Variants in SUGCT observed in about 807,000 individuals in gnomAD.
The protein encoded by SUGCT is succinyl-CoA:glutarate CoA-transferase.
SUGCT carries 41 observed loss-of-function variants against 55.0 expected under a neutral mutation model. The ratio of observed to expected loss-of-function variants is 0.74; its 90% CI spans 0.58 to 0.97. The LOEUF (loss-of-function observed/expected upper bound fraction) is 0.97. Among genes scored for constraint, SUGCT ranks in the 50% least tolerant of loss-of-function variants. The pLI is 0.00. For synonymous variants in SUGCT, 187 were observed against 200.4 expected (o/e 0.93, Z 0.56); for missense variants, 568 against 547.8 (o/e 1.04, Z -0.37).
At chr7:40,814,577 T>C (rs1791581695) in intron 13 of SUGCT, among the ~76,000 whole-genome samples, 1 of 151,936 alleles carries the variant, frequency 6.6e-6, no homozygotes, top group Non-Finnish European at 1.5e-5. Flanking sequence ...TAAAGATGTT[T>C]ACCTCTTCCT....
At chr7:40,226,088 A>G (rs1788332043) in intron 6 of SUGCT, among the ~76,000 whole-genome samples, 1 of 152,170 alleles carries the variant, frequency 6.6e-6, no homozygotes, top group Non-Finnish European at 1.5e-5. Flanking sequence ...TAGATTGGCT[A>G]GCAGGTATAT....
intron 9 of SUGCT, among the ~76,000 whole-genome samples, chr7:40,321,032 A>G (rs374265239): frequency 6.7e-6 from 1 of 150,100 alleles, no homozygotes; most frequent in Admixed American, 6.6e-5. Context: ...AACATGCAGC[A>G]TTTGACTTGC....
chr7:40,325,280 T>C (rs1182004387), intron 9 of SUGCT, among the ~76,000 whole-genome samples: 1 of 152,124 alleles, frequency 6.6e-6, no homozygotes, highest in Admixed American at 6.6e-5. Flanking sequence ...CTGTCTCTTC[T>C]TGTGTGACTT....
chr7:40,495,037 A>T (rs1791893816), intron 11 of SUGCT, among the ~76,000 whole-genome samples: 2 of 151,904 alleles, frequency 1.3e-5, no homozygotes, highest in South Asian at 4.2e-4. Flanking sequence ...CAGCCTTCTA[A>T]GTAGCTGGGA....
chr7:40,364,494 T>C (rs1218191486), intron 9 of SUGCT, among the ~76,000 whole-genome samples: 3 of 152,322 alleles, frequency 2.0e-5, no homozygotes, highest in Non-Finnish European at 4.4e-5. Context: ...TCAGGAGCTC[T>C]TGTAGGGCAG....
intron 7 of SUGCT, among the ~76,000 whole-genome samples, chr7:40,270,772 T>C (rs1207903036): frequency 6.6e-6 from 1 of 152,188 alleles, no homozygotes; most frequent in Non-Finnish European, 1.5e-5. Context: ...GCCTTGAATA[T>C]GCAGAGGAGT....
rs1562564263 is a variant in SUGCT at position 40,189,530 on chromosome 7, T to TA, written c.313-14_313-13insA. The TA allele has an allele frequency of 5.8e-5, 57 of 979,516 alleles. No homozygotes were observed. The highest frequency in any genetic ancestry group is 1.4e-4 in the African/African-American group (8 of 57,954). The allele number at this position is 979,516 out of a possible 1,614,324, so 60.7% of individuals were successfully genotyped here. On this transcript the variant is annotated splice_polypyrimidine_tract_variant and intron_variant, in intron 4 of 13. Coordinates refer to ENST00000335693, the MANE Select transcript of SUGCT (RefSeq NM_001193313.2). ...ATCGAAATAATATATATATATATATTTTTTAATTTTTAGAGTATTGCTGTT... is the reference window on the plus strand; with the variant it reads ...ATCGAAATAATATATATATATATATTATTTTAATTTTTAGAGTATTGCTGTT...
rs539836443 is a variant in SUGCT, at chr7:40,273,902, T to A, written c.577-611T>A. On this transcript the variant is annotated intron_variant, in intron 7 of 13. Transcript: ENST00000335693. ...CCTGTGCCCAGTGCTCCATGTCCCA[T>A]AAATCTTGAGATTCTCAGTTTGTTT... Among the ~76,000 whole-genome samples, 71 of 152,260 alleles carry A rather than the reference T, an allele frequency of 4.7e-4. 2 individuals are homozygous for A. Among genetic ancestry groups the A allele is most frequent in the African/African-American group, 1.6e-3 (68 of 41,554 alleles).
chr7:40,577,103 G>C (rs1796807719), intron 12 of SUGCT, among the ~76,000 whole-genome samples: 1 of 152,306 alleles, frequency 6.6e-6, no homozygotes, highest in South Asian at 2.1e-4. Flanking sequence ...AAGACCACCA[G>C]GGTTTGAGAA....
chr7:40,410,616 G>C (rs1786619455), intron 9 of SUGCT, among the ~76,000 whole-genome samples: 1 of 152,078 alleles, frequency 6.6e-6, no homozygotes, highest in East Asian at 1.9e-4. Flanking sequence ...ATATTCATGA[G>C]TTTTTTTGTC....
intron 12 of SUGCT, among the ~76,000 whole-genome samples, chr7:40,726,431 G>T (rs540004841): frequency 4.3e-4 from 65 of 152,114 alleles, no homozygotes; most frequent in African/African-American, 1.5e-3. Context: ...ATAGGCTGAG[G>T]GGGGAGCAGA....
At chr7:40,544,166 A>G (rs567841641) in intron 12 of SUGCT, among the ~76,000 whole-genome samples, 175 of 148,474 alleles carry the variant, frequency 1.2e-3, no homozygotes, top group Non-Finnish European at 2.1e-3. Flanking sequence ...GTTTCTGTAC[A>G]CACCCGGTGT....
the SUGCT span, among the ~76,000 whole-genome samples, chr7:40,920,331 G>T: frequency 1.1e-4 from 16 of 152,138 alleles, no homozygotes; most frequent in Non-Finnish European, 1.3e-4. Flanking sequence ...AGGAAAGTAT[G>T]CCCTGTGCAG....
chr7:40,470,608 G>A (rs1562800071), intron 11 of SUGCT, among the ~76,000 whole-genome samples: 1 of 152,094 alleles, frequency 6.6e-6, no homozygotes. Context: ...ACAGCTCATT[G>A]ATGAGGCTCA....
At chr7:40,274,750 C>T (rs1792349982) in intron 8 of SUGCT, 94 bp downstream of exon 8, 1 of 1,195,658 alleles carries the variant, frequency 8.4e-7, no homozygotes. Flanking sequence ...TGTACAAAAA[C>T]AATACAAAAA....
At chr7:40,505,003 G>A (rs1369201942) in intron 12 of SUGCT, among the ~76,000 whole-genome samples, 1 of 152,084 alleles carries the variant, frequency 6.6e-6, no homozygotes, top group Non-Finnish European at 1.5e-5. Context: ...TTATGTCCTA[G>A]CATATAATCC....
At chr7:40,971,243 G>T in the SUGCT span, among the ~76,000 whole-genome samples, 1 of 152,050 alleles carries the variant, frequency 6.6e-6, no homozygotes, top group Admixed American at 6.5e-5. Flanking sequence ...ACACAACCAG[G>T]TCTCATGTGA....
chr7:40,579,373 G>A (rs1178223202), intron 12 of SUGCT, among the ~76,000 whole-genome samples: 2 of 152,092 alleles, frequency 1.3e-5, no homozygotes, highest in Non-Finnish European at 2.9e-5. Context: ...AATTTCTTCT[G>A]TTTTCACTGG....
intron 11 of SUGCT, among the ~76,000 whole-genome samples, chr7:40,479,116 C>T (rs1016298043): frequency 1.3e-5 from 2 of 151,850 alleles, no homozygotes; most frequent in African/African-American, 4.8e-5. Flanking sequence ...TTTTCTTTAT[C>T]CATTTATCCA....
Sources: allele counts gnomAD v4.1 joint callset (sites outside exome capture counted in the v4.1 genomes callset), GRCh38; gene constraint gnomAD v4.1.1; transcripts MANE v1.5; gene names NCBI Gene and HGNC (gene_info 2026-07-23, HGNC 2026-07-21).